The following UNC5D variants were observed in gnomAD, a reference collection of about 807,000 sequenced individuals.
UNC5D encodes netrin receptor UNC5D.
In UNC5D, 39 loss-of-function variants were observed where a neutral mutation model predicts 105.4. That is an observed-to-expected ratio of 0.37 (90% CI 0.29 to 0.48). UNC5D has a LOEUF of 0.48. Among genes scored for constraint, UNC5D ranks in the 20% least tolerant of loss-of-function variants. UNC5D has a pLI of 0.98. For missense variants in UNC5D, 991 were observed against 1,202.4 expected, an observed-to-expected ratio of 0.82 and a Z score of 2.60; for synonymous variants, 452 against 450.4, an observed-to-expected ratio of 1.00 and a Z score of -0.04.
At chr8:35,400,791 T>C (rs1804409449) in intron 1 of UNC5D, among the ~76,000 whole-genome samples, 1 of 152,196 alleles carries the variant, frequency 6.6e-6, no homozygotes, top group Non-Finnish European at 1.5e-5. Context: ...TCAGCTCCAC[T>C]GGTGGGGAAC....
At chr8:35,356,985 A>C (rs1193227648) in intron 1 of UNC5D, among the ~76,000 whole-genome samples, 1 of 152,114 alleles carries the variant, frequency 6.6e-6, no homozygotes, top group Admixed American at 6.6e-5. Flanking sequence ...TATTTCTAGA[A>C]GTTTTCATTT....
chr8:35,385,855 T>C (rs1182610037), intron 1 of UNC5D, among the ~76,000 whole-genome samples: 1 of 152,198 alleles, frequency 6.6e-6, no homozygotes, highest in Non-Finnish European at 1.5e-5. Flanking sequence ...TTGTCTTCTT[T>C]CTAGTTGAAA....
At chr8:35,260,749 A>T (rs947371926) in intron 1 of UNC5D, among the ~76,000 whole-genome samples, 2 of 152,132 alleles carry the variant, frequency 1.3e-5, no homozygotes, top group African/African-American at 4.8e-5. Context: ...CCTATTATTA[A>T]ATATAAACTT....
chr8:35,717,244 A>G (rs114261913), intron 8 of UNC5D, among the ~76,000 whole-genome samples: 689 of 152,356 alleles, frequency 4.5e-3, no homozygotes, highest in African/African-American at 0.014. Flanking sequence ...GTTAATTCTC[A>G]GTCACTTATC....
rs1803121775 is a variant in UNC5D, at chr8:35,793,173, A to G, written c.*2610A>G. ...CATAGGATTTCTATAGAAATGTATG[A>G]AATTCTGTGGTCACTGCATGTCAGG... On this transcript the variant is annotated 3_prime_UTR_variant, in exon 17 of 17. Coordinates refer to ENST00000404895, the MANE Select transcript of UNC5D (RefSeq NM_080872.4). The G allele has an allele frequency of 4.4e-6, 2 of 456,260 alleles. No homozygotes were observed. The highest frequency in any genetic ancestry group is 8.8e-6 in the Non-Finnish European group (2 of 226,760). 28.3% of individuals were successfully genotyped at this position (456,260 alleles called of 1,614,324 possible).
chr8:35,360,033 A>G (rs1257045263), intron 1 of UNC5D, among the ~76,000 whole-genome samples: 2 of 152,130 alleles, frequency 1.3e-5, no homozygotes, highest in Non-Finnish European at 2.9e-5. Context: ...AGAGTTTCAG[A>G]GTTTCTTTTT....
intron 1 of UNC5D, among the ~76,000 whole-genome samples, chr8:35,399,384 G>T (rs1284939710): frequency 6.6e-6 from 1 of 151,926 alleles, no homozygotes; most frequent in East Asian, 1.9e-4. Flanking sequence ...AGATCTACAA[G>T]TTGTAGGTAG....
chr8:35,341,747 G>T (rs1811470158), intron 1 of UNC5D, among the ~76,000 whole-genome samples: 1 of 151,996 alleles, frequency 6.6e-6, no homozygotes, highest in South Asian at 2.1e-4. Context: ...TATGCCAATG[G>T]AATTAATAGT....
At chr8:35,599,902 T>C (rs1308682206) in intron 4 of UNC5D, among the ~76,000 whole-genome samples, 1 of 152,192 alleles carries the variant, frequency 6.6e-6, no homozygotes, top group Non-Finnish European at 1.5e-5. Flanking sequence ...GCTGCACCCA[T>C]TAACTCGTCA....
intron 3 of UNC5D, among the ~76,000 whole-genome samples, chr8:35,585,844 G>A (rs1009984187): frequency 3.3e-5 from 5 of 151,758 alleles, no homozygotes; most frequent in African/African-American, 9.7e-5. Context: ...GAATCTACAC[G>A]TGGCATTGTC....
chr8:35,434,902 T>C (rs140551309), intron 1 of UNC5D, among the ~76,000 whole-genome samples: 1 of 152,246 alleles, frequency 6.6e-6, no homozygotes, highest in African/African-American at 2.4e-5. Flanking sequence ...AGTGAAAAGA[T>C]ATGAACCAGT....
intron 4 of UNC5D, among the ~76,000 whole-genome samples, chr8:35,669,567 T>C (rs973216734): frequency 1.3e-5 from 2 of 152,032 alleles, no homozygotes; most frequent in Non-Finnish European, 2.9e-5. Context: ...TTATAAACCT[T>C]CCCTTCAAGC....
At chr8:35,319,405 G>A (rs935667834) in intron 1 of UNC5D, among the ~76,000 whole-genome samples, 1 of 152,102 alleles carries the variant, frequency 6.6e-6, no homozygotes, top group African/African-American at 2.4e-5. Context: ...TAAGGGCTGT[G>A]CAGAAGGCTG....
intron 11 of UNC5D, among the ~76,000 whole-genome samples, chr8:35,737,762 ATAAT>A (rs1447123310): frequency 2.6e-5 from 4 of 152,192 alleles, no homozygotes; most frequent in Non-Finnish European, 1.5e-5. Flanking sequence ...GATATCATAA[ATAAT>A]TAGTCAGGAA....
chr8:35,507,640 G>T (rs1812421462), intron 1 of UNC5D, among the ~76,000 whole-genome samples: 1 of 151,618 alleles, frequency 6.6e-6, no homozygotes, highest in African/African-American at 2.4e-5. Context: ...TAAAGGGGAG[G>T]TGGGGATGGT....
chr8:35,407,731 C>A (rs1408086707), intron 1 of UNC5D, among the ~76,000 whole-genome samples: 1 of 152,104 alleles, frequency 6.6e-6, no homozygotes, highest in Non-Finnish European at 1.5e-5. Context: ...TGTTGGTCCC[C>A]TCTATGTGTC....
chr8:35,538,399 ATATATATATATATATATATAT>A (rs1317007294), intron 1 of UNC5D, among the ~76,000 whole-genome samples: 1 of 23,506 alleles, frequency 4.3e-5, no homozygotes, highest in African/African-American at 4.1e-4. Flanking sequence ...AAATAATTAT[ATATATATATATATATATATAT>A]ATATATATAT....
intron 1 of UNC5D, among the ~76,000 whole-genome samples, chr8:35,513,514 C>A (rs982962231): frequency 2.0e-5 from 3 of 150,722 alleles, no homozygotes; most frequent in African/African-American, 7.3e-5. Context: ...CAGGAGTGAG[C>A]CACCATGCCC....
intron 1 of UNC5D, among the ~76,000 whole-genome samples, chr8:35,457,074 C>A (rs1379468702): frequency 3.3e-5 from 5 of 152,096 alleles, no homozygotes; most frequent in African/African-American, 1.2e-4. Flanking sequence ...CATTTTCCTT[C>A]TCTGTTAAAG....
Sources: gnomAD v4.1 joint callset for allele counts (sites outside exome capture counted in the v4.1 genomes callset) on GRCh38, gnomAD v4.1.1 for gene constraint, MANE v1.5 for transcripts, NCBI Gene and HGNC (gene_info 2026-07-23, HGNC 2026-07-21) for gene names.